Variants in ACVR1B observed in about 807,000 individuals in gnomAD.
ACVR1B encodes the protein activin receptor type-1B.
Under a neutral mutation model 55.6 loss-of-function variants are expected in ACVR1B, and 15 were observed. The ratio of observed to expected loss-of-function variants is 0.27; its 90% CI spans 0.18 to 0.42. ACVR1B has a LOEUF of 0.42. Among genes scored for constraint, ACVR1B ranks in the 10% least tolerant of loss-of-function variants. The pLI, the probability that ACVR1B is intolerant of heterozygous loss-of-function variation, is 1.00. For missense variants in ACVR1B, 359 were observed against 670.1 expected (o/e 0.54, Z 5.13); for synonymous variants, 247 against 254.6 (o/e 0.97, Z 0.28).
intron 4 of ACVR1B, 92 bp downstream of exon 4, chr12:51,981,291 A>T: frequency 9.0e-7 from 1 of 1,111,634 alleles, no homozygotes; most frequent in Non-Finnish European, 1.3e-6. Flanking sequence ...TGCCTTCATC[A>T]TTGTAACCCG....
intron 2 of ACVR1B, among the ~76,000 whole-genome samples, chr12:51,976,045 A>C (rs1941844867): frequency 6.6e-6 from 1 of 152,232 alleles, no homozygotes; most frequent in Admixed American, 6.5e-5. Context: ...AGAAACAGGC[A>C]TCTGTGTAGG....
In ACVR1B at chr12:51,994,222, GA is replaced by G; in HGVS notation, c.*113del. The G allele has an allele frequency of 6.7e-7, 1 of 1,494,694 alleles. No individual in the cohort carries two copies. Among genetic ancestry groups the G allele is most frequent in the Non-Finnish European group, 9.0e-7 (1 of 1,112,534 alleles). The allele number at this position is 1,494,694 out of a possible 1,614,324, so 92.6% of individuals were successfully genotyped here. A position where few individuals can be genotyped will look rare whatever the true frequency, so the allele number is the denominator to read the frequency against. On this transcript the variant is annotated 3_prime_UTR_variant, in exon 9 of 9. Transcript: ENST00000257963. This position sits in a 1 kb window ranked among gnomAD's most constrained non-coding sequence, Gnocchi z 4.2. Reference sequence around the variant, plus strand: ...TTTCTGCCCAGCCCTCTGTGGCCAGGAGCCCTGGCCCGCAAGAGGGACAGAG... The same window carrying G: ...TTTCTGCCCAGCCCTCTGTGGCCAGGGCCCTGGCCCGCAAGAGGGACAGAG...
At chr12:51,957,735 A>G (rs1407103378) in intron 1 of ACVR1B, among the ~76,000 whole-genome samples, 1 of 152,098 alleles carries the variant, frequency 6.6e-6, no homozygotes, top group Non-Finnish European at 1.5e-5. Context: ...CTTATTTAAT[A>G]TATATTGTTG....
intron 1 of ACVR1B, 135 bp from the exon 2 acceptor site, chr12:51,975,130 T>C (rs1667787865): frequency 8.0e-7 from 1 of 1,245,352 alleles, no homozygotes; most frequent in Non-Finnish European, 1.1e-6. Flanking sequence ...CAGTTAAGGA[T>C]ATCTTTTTGG....
Position 51,951,733 on chromosome 12 carries a change from C to T in ACVR1B, c.-11C>T, listed in dbSNP as rs768555731. The stretch of plus-strand genomic sequence containing the variant: ...TGGGCTGCGGCGGCGGCGGCGGCGG[C>T]GGTGGTTACTATGGCGGAGTCGGCC... On this transcript the variant is annotated 5_prime_UTR_variant, in exon 1 of 9. Transcript: ENST00000257963. 87 of 1,127,906 alleles carry T rather than the reference C, an allele frequency of 7.7e-5. No homozygotes were observed. The highest frequency in any genetic ancestry group is 1.2e-4 in the South Asian group (3 of 24,434). 69.9% of individuals were successfully genotyped at this position (1,127,906 alleles called of 1,614,324 possible).
In ACVR1B at chr12:51,951,833, G is replaced by A; in HGVS notation, c.90G>A (p.Gln30=). The A allele has an allele frequency of 1.6e-6, 2 of 1,273,296 alleles. No individual in the cohort carries two copies. Among genetic ancestry groups the A allele is most frequent in the Non-Finnish European group, 2.0e-6 (2 of 1,000,892 alleles). 78.9% of individuals were successfully genotyped at this position (1,273,296 alleles called of 1,614,324 possible). A position where few individuals can be genotyped will look rare whatever the true frequency, so the allele number is the denominator to read the frequency against. ...GCGGGTCCGGGCCCCGGGGGGTCCA[G>A]GGTGAGTCCTGGGACGGGGGGCGGG... ...GSGGSGPRGV[Q]ALLCACTSCL... is the part of the protein sequence containing the mutation. The change falls in exon 1 of 9, where the codon CAG becomes CAA. Residue 30 remains glutamine, a splice_region_variant and synonymous_variant. Transcript: ENST00000257963.
rs60413781 is a variant in ACVR1B, at chr12:51,967,249, CCAAA to C, written c.92-8003_92-8000del. Among the ~76,000 whole-genome samples the C allele has an allele frequency of 2.5e-3, 360 of 145,278 alleles. 1 individual carries two copies. Among genetic ancestry groups the C allele is most frequent in the African/African-American group, 5.3e-3 (208 of 39,116 alleles). ...CGCGAGACTCCGTCTCAAAAAAAAA[CCAAA>C]CAAACAAACAAATAAAAACATTAAA... On this transcript the variant is annotated intron_variant, in intron 1 of 8. Coordinates refer to ENST00000257963, the MANE Select transcript of ACVR1B (RefSeq NM_004302.5).
At chr12:51,965,444 A>C (rs1051924051) in intron 1 of ACVR1B, among the ~76,000 whole-genome samples, 6 of 152,232 alleles carry the variant, frequency 3.9e-5, no homozygotes, top group Non-Finnish European at 8.8e-5. Flanking sequence ...CCTCAAAATG[A>C]AATATTAGAA....
intron 1 of ACVR1B, among the ~76,000 whole-genome samples, chr12:51,964,149 A>T (rs1463332294): frequency 6.6e-6 from 1 of 151,954 alleles, no homozygotes; most frequent in Non-Finnish European, 1.5e-5. Context: ...TTTAAAAATT[A>T]TGTTTTTTAG....
intron 4 of ACVR1B, among the ~76,000 whole-genome samples, chr12:51,982,100 G>C (rs1941991846): frequency 6.6e-6 from 1 of 152,178 alleles, no homozygotes. Context: ...GACGAGTAAG[G>C]GTGATTAGAG....
intron 6 of ACVR1B, 132 bp from the exon 7 acceptor site, chr12:51,986,686 A>G (rs1942082313): frequency 8.0e-7 from 1 of 1,256,552 alleles, no homozygotes; most frequent in African/African-American, 1.5e-5. Context: ...AGATGTGTAC[A>G]CTTCTTCTGC....
chr12:51,990,299 C>CAG (rs1278713446), intron 7 of ACVR1B, among the ~76,000 whole-genome samples: 1 of 141,942 alleles, frequency 7.0e-6, no homozygotes, highest in Non-Finnish European at 1.5e-5. Context: ...CACACACACA[C>CAG]ACAAATTTAG....
chr12:51,980,936 A>T (rs370334008), intron 3 of ACVR1B, 33 bp from the exon 4 acceptor site: 1 of 1,549,426 alleles, frequency 6.5e-7, no homozygotes, highest in South Asian at 1.2e-5. Flanking sequence ...CAAATTTGCA[A>T]TGTCAGGTTT....
chr12:51,971,616 G>A (rs1016283488), intron 1 of ACVR1B, among the ~76,000 whole-genome samples: 11 of 152,172 alleles, frequency 7.2e-5, no homozygotes, highest in African/African-American at 2.2e-4. Context: ...TTTAGTGTGC[G>A]TGATTTAATG....
At position 51,963,798 on chromosome 12, in the gene ACVR1B, A is replaced by G. The variant is rs751121173; in HGVS notation, c.92-11467A>G. Among the ~76,000 whole-genome samples, 78 of 152,156 alleles carry G rather than the reference A, an allele frequency of 5.1e-4. 1 individual carries two copies. Among genetic ancestry groups the G allele is most frequent in the Middle Eastern group, 6.3e-3 (2 of 316 alleles). ...AACATTTGTTTCAGTTATTTTGTGT[A>G]TATGCCTTGGAGTAGAACTGCTGGG... On this transcript the variant is annotated intron_variant, in intron 1 of 8. Coordinates refer to ENST00000257963, the MANE Select transcript of ACVR1B (RefSeq NM_004302.5).
intron 3 of ACVR1B, among the ~76,000 whole-genome samples, chr12:51,979,659 C>T (rs895977870): frequency 3.9e-5 from 6 of 152,050 alleles, no homozygotes; most frequent in South Asian, 4.1e-4. Flanking sequence ...AGCAGGGGGA[C>T]GTCAGGCTGC....
Position 51,991,955 on chromosome 12 carries a change from C to T in ACVR1B, c.1354C>T (p.Leu452=). The part of the protein sequence containing the change: ...EMRKVVCDQK[L]RPNIPNWWQS... Reference sequence around the variant, plus strand: ...GCGAAAGGTTGTATGTGATCAGAAGCTGCGTCCCAACATCCCCAACTGGTG... The same window carrying T: ...GCGAAAGGTTGTATGTGATCAGAAGTTGCGTCCCAACATCCCCAACTGGTG... The change falls in exon 8 of 9, where the codon CTG becomes TTG. Residue 452 remains leucine, a synonymous_variant. Transcript: ENST00000257963. The T allele has an allele frequency of 1.2e-6, 2 of 1,614,216 alleles. No homozygotes were observed. Among genetic ancestry groups the T allele is most frequent in the Non-Finnish European group, 1.7e-6 (2 of 1,180,048 alleles).
At chr12:51,961,561 C>A (rs1383046977) in intron 1 of ACVR1B, among the ~76,000 whole-genome samples, 1 of 152,166 alleles carries the variant, frequency 6.6e-6, no homozygotes, top group South Asian at 2.1e-4. Context: ...GTTTTATTCT[C>A]AGTTTGGCTG....
intron 1 of ACVR1B, 73 bp downstream of exon 1, chr12:51,951,907 G>C (rs1197767387): frequency 3.1e-6 from 3 of 965,152 alleles, no homozygotes; most frequent in Admixed American, 4.6e-5. Context: ...AGCCGCGGCC[G>C]CTGGACTACA....
Sources: allele counts gnomAD v4.1 joint callset (sites outside exome capture counted in the v4.1 genomes callset), GRCh38; gene constraint gnomAD v4.1.1; non-coding constraint Gnocchi (gnomAD v3.1); transcripts MANE v1.5; gene names NCBI Gene and HGNC (gene_info 2026-07-23, HGNC 2026-07-21).